CENPT: variants seen among roughly 807,000 people sequenced by gnomAD.
CENPT encodes the protein centromere protein T, also known as interphase centromere complex protein 22.
A neutral mutation model predicts 59.7 loss-of-function variants in CENPT; 42 were observed. That is an observed-to-expected ratio of 0.70 (90% CI 0.55 to 0.91). CENPT has a LOEUF of 0.91. Ranked by LOEUF, CENPT falls within the 40% of genes least tolerant of loss-of-function variation. CENPT has a pLI of 0.00. For synonymous variants in CENPT, 295 were observed against 289.6 expected (o/e 1.02, Z -0.19); for missense variants, 716 against 713.4 (o/e 1.00, Z -0.04).
At position 67,832,487 on chromosome 16, in the gene CENPT, T is replaced by C; in HGVS notation, c.169A>G (p.Thr57Ala). 1 of 1,614,148 alleles carries C rather than the reference T, an allele frequency of 6.2e-7. No homozygotes were observed. Among genetic ancestry groups the C allele is most frequent in the Non-Finnish European group, 8.5e-7 (1 of 1,180,016 alleles). ...CCATGGGAACGCCCTCTGGCTATCG[T>C]CCTTGTTTGGCCACTCAACTTCCTG... ...SPRKLSGQTR[T>A]IARGRSHGAR... The change falls in exon 5 of 16, where the codon ACG (threonine) becomes GCG (alanine). Residue 57 changes from threonine (T) to alanine (A), a missense_variant. Coordinates refer to ENST00000562787, the MANE Select transcript of CENPT (RefSeq NM_025082.4).
Position 67,828,486 on chromosome 16 carries a change from A to T in CENPT, c.1550T>A (p.Leu517Gln), listed in dbSNP as rs1260580057. 5.0e-6 allele frequency: 8 copies of T among 1,614,124 alleles called. No homozygotes were observed. The highest frequency in any genetic ancestry group is 6.8e-6 in the Non-Finnish European group (8 of 1,180,044). The change falls in exon 15 of 16, where the codon CTG becomes CAG. Residue 517 changes from leucine (L) to glutamine (Q), a missense_variant. By Grantham distance (113) the Leu-to-Gln change is moderately radical. Transcript: ENST00000562787. ...RKTVKPEDLELLMRRQGLVTD... is the reference protein window; with the variant it reads ...RKTVKPEDLEQLMRRQGLVTD... ...TCCGCCTTCTCACCGCCGCATCAGC[A>T]GCTCCAGGTCCTCTGGCTTCACAGT...
In CENPT at chr16:67,835,305, G is replaced by C. The variant is rs966360796; in HGVS notation, c.-370-5C>G. 8 of 152,094 alleles carry C rather than the reference G, an allele frequency of 5.3e-5. No individual in the cohort carries two copies. Among genetic ancestry groups the C allele is most frequent in the Non-Finnish European group, 8.8e-5 (6 of 68,022 alleles). 9.4% of individuals were successfully genotyped at this position (152,094 alleles called of 1,614,324 possible). On this transcript the variant is annotated splice_polypyrimidine_tract_variant and splice_region_variant and intron_variant, in intron 2 of 15. Coordinates refer to ENST00000562787, the MANE Select transcript of CENPT (RefSeq NM_025082.4). ...TTCACTTTCCCAGAATCTGCACTGA[G>C]ATCAAGTGTAAATTATCAGATACCT...
intron 8 of CENPT, 33 bp from the exon 9 acceptor site, chr16:67,831,645 G>C (rs1254590408): frequency 6.2e-7 from 1 of 1,613,574 alleles, no homozygotes; most frequent in Admixed American, 1.7e-5. Flanking sequence ...TGTAAAAGAA[G>C]AAAACCATGG....
chr16:67,832,411 C>T (rs767749765), intron 5 of CENPT, 44 bp downstream of exon 5: 5 of 1,610,600 alleles, frequency 3.1e-6, no homozygotes, highest in South Asian at 2.2e-5. Context: ...CCCCCCTCCC[C>T]GAGGCAGCCA....
At position 67,829,437 on chromosome 16, in the gene CENPT, C is replaced by T. The variant is rs374963980; in HGVS notation, c.1266G>A (p.Ala422=). Reference sequence around the variant, plus strand: ...TGGGATCTTACACTGCAGCACCAGGCGCTGGGGCTGGCTCAAGAAACTGAT... The same window carrying T: ...TGGGATCTTACACTGCAGCACCAGGTGCTGGGGCTGGCTCAAGAAACTGAT... ...RHHQFLEPAP[A]PGAAVLSSEP... Residue 422 remains alanine (A), a synonymous_variant, in exon 13 of 16, where the codon GCG becomes GCA. Coordinates refer to ENST00000562787, the MANE Select transcript of CENPT (RefSeq NM_025082.4). The T allele has an allele frequency of 2.0e-5, 31 of 1,581,492 alleles. No homozygotes were observed. The highest frequency in any genetic ancestry group is 6.9e-5 in the African/African-American group (5 of 72,692).
Position 67,829,789 on chromosome 16 carries a change from C to T in CENPT, c.1162G>A (p.Asp388Asn), listed in dbSNP as rs745631468. The change falls in exon 12 of 16, where the codon GAT becomes AAT. Residue 388 changes from aspartate (D) to asparagine (N), a missense_variant. Transcript: ENST00000562787. Reference sequence around the variant, plus strand: ...CCTGCCCTGCCAGAGGCATCCTCATCCCCTGAAGATGCTCCTGGCCCGTCA... The same window carrying T: ...CCTGCCCTGCCAGAGGCATCCTCATTCCCTGAAGATGCTCCTGGCCCGTCA... ...EADGPGASSGDEDASGRAASP... is the reference protein window; with the variant it reads ...EADGPGASSGNEDASGRAASP... The T allele has an allele frequency of 7.4e-6, 12 of 1,614,042 alleles. No homozygotes were observed. Among genetic ancestry groups the T allele is most frequent in the Middle Eastern group, 1.6e-4 (1 of 6,082 alleles).
chr16:67,828,830 G>C lies in CENPT; in HGVS notation c.1294C>G (p.Pro432Ala), dbSNP rs781499743. 1.3e-6 allele frequency: 2 copies of C among 1,582,206 alleles called. No homozygotes were observed. The highest frequency in any genetic ancestry group is 1.7e-6 in the Non-Finnish European group (2 of 1,171,632). ...APGAAVLSSE[P>A]AEPLLVRHPP... ...TGCCTGACCAACAGAGGCTCTGCAG[G>C]CTCTGAAGATAAGCTGAGGGCAACA... The change falls in exon 14 of 16, where the codon CCT becomes GCT. Residue 432 changes from proline to alanine, a missense_variant. Coordinates refer to ENST00000562787, the MANE Select transcript of CENPT (RefSeq NM_025082.4).
chr16:67,829,096 T>C, intron 13 of CENPT: 1 of 528,708 alleles, frequency 1.9e-6, no homozygotes, highest in Non-Finnish European at 3.3e-6. Context: ...TGGTACCTGC[T>C]TGGGTCCATG....
rs749241543 is a variant in CENPT, at chr16:67,842,911, G to GCAA, written c.-492+4489_-492+4490insTTG. On this transcript the variant is annotated intron_variant, in intron 1 of 15. Transcript: ENST00000562787. The surrounding 1 kb of genome is among the most constrained non-coding windows in gnomAD (Gnocchi z 4.9). ...AGCAGCAACAGCAGCAACAGCAGCA[G>GCAA]CAGCAGCAACAGCAGCAGCAGCAGC... The GCAA allele has an allele frequency of 8.8e-5, 138 of 1,569,468 alleles. 1 individual carries two copies. The East Asian group carries it at 2.7e-3, about 31-fold the overall frequency.
Position 67,843,536 on chromosome 16 carries a change from C to T in CENPT, c.-492+3865G>A. The T allele has an allele frequency of 6.3e-7, 1 of 1,577,232 alleles. No homozygotes were observed. Among genetic ancestry groups the T allele is most frequent in the African/African-American group, 1.3e-5 (1 of 74,530 alleles). ...GGCAGCCTGCTGGACTCCCAGACCCCATCCAGCCAGGGGACCGCAGGCCAT... is the reference window on the plus strand; with the variant it reads ...GGCAGCCTGCTGGACTCCCAGACCCTATCCAGCCAGGGGACCGCAGGCCAT... On this transcript the variant is annotated intron_variant, in intron 1 of 15. Transcript: ENST00000562787. The surrounding 1 kb of genome is among the most constrained non-coding windows in gnomAD (Gnocchi z 5.7).
intron 1 of CENPT, among the ~76,000 whole-genome samples, chr16:67,836,998 C>T (rs1226445442): frequency 6.6e-6 from 1 of 152,016 alleles, no homozygotes; most frequent in African/African-American, 2.4e-5. Context: ...GCCTCGGCCT[C>T]CCAAAGTGCT....
chr16:67,842,770 C>T lies in CENPT; in HGVS notation c.-492+4631G>A, dbSNP rs1297824517. The T allele has an allele frequency of 1.2e-6, 2 of 1,610,838 alleles. No homozygotes were observed. The highest frequency in any genetic ancestry group is 1.7e-6 in the Non-Finnish European group (2 of 1,178,834). On this transcript the variant is annotated intron_variant, in intron 1 of 15. Coordinates refer to ENST00000562787, the MANE Select transcript of CENPT (RefSeq NM_025082.4). The surrounding 1 kb of genome is among the most constrained non-coding windows in gnomAD (Gnocchi z 4.9). Reference sequence around the variant, plus strand: ...ACTTCCAGGGCGGCCGCAAGACCTACACGGTACGCGTCCCCACCATCTTCC... The same window carrying T: ...ACTTCCAGGGCGGCCGCAAGACCTATACGGTACGCGTCCCCACCATCTTCC...
At position 67,837,701 on chromosome 16, in the gene CENPT, AAAAC is replaced by A. The variant is rs78450482; in HGVS notation, c.-491-2047_-491-2044del. On this transcript the variant is annotated intron_variant, in intron 1 of 15. Coordinates refer to ENST00000562787, the MANE Select transcript of CENPT (RefSeq NM_025082.4). Reference sequence around the variant, plus strand: ...GGCGACAGAGTGAGACTCCGTCTCAAAAACAAACAAACAAACAAACAAACAAACA... The same window carrying A: ...GGCGACAGAGTGAGACTCCGTCTCAAAAACAAACAAACAAACAAACAAACA... Among the ~76,000 whole-genome samples the A allele has an allele frequency of 9.9e-3, 1,508 of 152,186 alleles. 11 individuals carry two copies. Among genetic ancestry groups the A allele is most frequent in the Middle Eastern group, 0.014 (4 of 294 alleles).
At chr16:67,838,087 G>A (rs2057742943) in intron 1 of CENPT, among the ~76,000 whole-genome samples, 1 of 152,186 alleles carries the variant, frequency 6.6e-6, no homozygotes, top group African/African-American at 2.4e-5. Flanking sequence ...TCGTGGAGGT[G>A]GGGAGAAAGC....
chr16:67,837,855 A>G (rs1340804331), intron 1 of CENPT, among the ~76,000 whole-genome samples: 1 of 152,224 alleles, frequency 6.6e-6, no homozygotes. Context: ...TGACAGGGCT[A>G]GACTAATATG....
chr16:67,841,490 G>T (rs547508020), intron 1 of CENPT: 1 of 152,196 alleles, frequency 6.6e-6, no homozygotes, highest in East Asian at 1.9e-4. Flanking sequence ...CCAAGCTTTC[G>T]TTCGTTTTTT....
intron 3 of CENPT, among the ~76,000 whole-genome samples, chr16:67,834,394 G>A (rs942047236): frequency 6.6e-6 from 1 of 152,182 alleles, no homozygotes; most frequent in Non-Finnish European, 1.5e-5. Context: ...GATAGCTTGA[G>A]CTCAGGAGTT....
At position 67,829,988 on chromosome 16, in the gene CENPT, A is replaced by T; in HGVS notation, c.963T>A (p.Asp321Glu). Reference protein sequence around the residue: ...LSTSSGVSGEDEVEPLHDGVE... With the variant: ...LSTSSGVSGEEEVEPLHDGVE... Reference sequence around the variant, plus strand: ...CTCCATCGTGTAAGGGCTCTACTTCATCTTCTCCAGAGACACCACTGCTGG... The same window carrying T: ...CTCCATCGTGTAAGGGCTCTACTTCTTCTTCTCCAGAGACACCACTGCTGG... Residue 321 changes from aspartate to glutamate, a missense_variant, in exon 12 of 16, where the codon GAT (aspartate) becomes GAA (glutamate). Transcript: ENST00000562787. 2.5e-6 allele frequency: 4 copies of T among 1,614,038 alleles called. No homozygotes were observed. Among genetic ancestry groups the T allele is most frequent in the Non-Finnish European group, 3.4e-6 (4 of 1,180,010 alleles).
chr16:67,829,811 G>A lies in CENPT; in HGVS notation c.1140C>T (p.Asp380=), dbSNP rs374799764. Residue 380 remains aspartate, a synonymous_variant, in exon 12 of 16, where the codon GAC becomes GAT. Transcript: ENST00000562787. ...CATCCCCTGAAGATGCTCCTGGCCC[G>A]TCAGCCTCAGCAGTCCCCTGGGATC... ...AEGSQGTAEA[D]GPGASSGDED... 32 of 1,614,178 alleles carry A rather than the reference G, an allele frequency of 2.0e-5. No individual in the cohort carries two copies. The highest frequency in any genetic ancestry group is 1.7e-4 in the Middle Eastern group (1 of 6,060).
Sources: gnomAD v4.1 joint callset for allele counts (sites outside exome capture counted in the v4.1 genomes callset) on GRCh38, gnomAD v4.1.1 for gene constraint, Gnocchi (gnomAD v3.1) non-coding constraint, MANE v1.5 for transcripts, NCBI Gene and HGNC (gene_info 2026-07-23, HGNC 2026-07-21) for gene names.